GRM7: variants seen among roughly 807,000 people sequenced by gnomAD.
GRM7 encodes glutamate metabotropic receptor 7, also known as metabotropic glutamate receptor 7.
Under a neutral mutation model 84.5 loss-of-function variants are expected in GRM7, and 35 were observed. The observed-to-expected ratio is 0.41, with a 90% CI of 0.32 to 0.55. The LOEUF (loss-of-function observed/expected upper bound fraction) is 0.55, where lower values mean the gene tolerates loss of function less well. Among genes scored for constraint, GRM7 ranks in the 20% least tolerant of loss-of-function variants. The probability of loss-of-function intolerance (pLI) is 0.19; values close to 1 mark genes in which losing one functional copy is unlikely to be tolerated. For synonymous variants in GRM7, 487 were observed against 455.1 expected, an observed-to-expected ratio of 1.07 and a Z score of -0.89; for missense variants, 1,003 against 1,194.6, an observed-to-expected ratio of 0.84 and a Z score of 2.36.
intron 2 of GRM7, among the ~76,000 whole-genome samples, chr3:7,152,867 C>T (rs1694327680): frequency 6.6e-6 from 1 of 152,162 alleles, no homozygotes; most frequent in Admixed American, 6.6e-5. Flanking sequence ...TATTCATGTT[C>T]CTAGCCTGCC....
chr3:7,685,532 G>C (rs1700547355), intron 9 of GRM7, among the ~76,000 whole-genome samples: 1 of 152,106 alleles, frequency 6.6e-6, no homozygotes, highest in South Asian at 2.1e-4. Context: ...CTCTGGGATA[G>C]AGACTGGACA....
chr3:7,522,706 C>T (rs1408012771), intron 7 of GRM7, among the ~76,000 whole-genome samples: 1 of 152,186 alleles, frequency 6.6e-6, no homozygotes, highest in African/African-American at 2.4e-5. Flanking sequence ...GTCAAGATCA[C>T]AGGCTGGTAC....
intron 8 of GRM7, among the ~76,000 whole-genome samples, chr3:7,660,024 C>T (rs569956197): frequency 6.6e-6 from 1 of 152,106 alleles, no homozygotes; most frequent in Non-Finnish European, 1.5e-5. Context: ...TTTACCAAGA[C>T]AGAATAGATG....
At chr3:7,598,559 G>T (rs533343451) in intron 8 of GRM7, among the ~76,000 whole-genome samples, 1 of 152,324 alleles carries the variant, frequency 6.6e-6, no homozygotes, top group East Asian at 1.9e-4. Flanking sequence ...GAAATCTCTT[G>T]CTTGTGAGGG....
chr3:7,089,369 G>GC (rs760612229), intron 1 of GRM7, among the ~76,000 whole-genome samples: 15 of 152,122 alleles, frequency 9.9e-5, no homozygotes, highest in Non-Finnish European at 1.9e-4. Context: ...TGTATATCCA[G>GC]TTTCTTTTAA....
At chr3:7,620,297 G>T (rs1188137793) in intron 8 of GRM7, among the ~76,000 whole-genome samples, 1 of 152,014 alleles carries the variant, frequency 6.6e-6, no homozygotes, top group Non-Finnish European at 1.5e-5. Context: ...TGTTTATCTG[G>T]AATTTAATTT....
At chr3:7,720,420 C>T (rs1701905259) in intron 9 of GRM7, among the ~76,000 whole-genome samples, 1 of 152,110 alleles carries the variant, frequency 6.6e-6, no homozygotes, top group African/African-American at 2.4e-5. Context: ...CAAACAAATC[C>T]TGCATTTATG....
At chr3:7,619,827 CTTCTA>C (rs1697274835) in intron 8 of GRM7, among the ~76,000 whole-genome samples, 1 of 152,140 alleles carries the variant, frequency 6.6e-6, no homozygotes, top group South Asian at 2.1e-4. Flanking sequence ...CCTTTTGTGC[CTTCTA>C]TTCTAAGTTC....
chr3:7,091,038 T>A (rs1412807226), intron 1 of GRM7, among the ~76,000 whole-genome samples: 2 of 152,136 alleles, frequency 1.3e-5, no homozygotes, highest in African/African-American at 4.8e-5. Context: ...CTGTCATGAT[T>A]TATTTGTCCC....
chr3:7,287,356 G>A (rs1330369645), intron 2 of GRM7, among the ~76,000 whole-genome samples: 1 of 152,106 alleles, frequency 6.6e-6, no homozygotes, highest in African/African-American at 2.4e-5. Flanking sequence ...ATTGGAAGCT[G>A]GAGAAATCTG....
Position 7,015,345 on chromosome 3 carries a change from G to T in GRM7, c.520-131107G>T, listed in dbSNP as rs968046567. ...GAAGGAACCAACTGTGGATGCAGTGGGATATCGATAGATACTTGATGGGTA... is the reference window on the plus strand; with the variant it reads ...GAAGGAACCAACTGTGGATGCAGTGTGATATCGATAGATACTTGATGGGTA... On this transcript the variant is annotated intron_variant, in intron 1 of 9. Transcript: ENST00000357716. 2.6e-5 allele frequency among the ~76,000 whole-genome samples: 4 copies of T among 152,264 alleles called. No homozygotes were observed. The East Asian group carries it at 7.7e-4, about 29-fold the overall frequency.
intron 2 of GRM7, among the ~76,000 whole-genome samples, chr3:7,228,500 C>T (rs1259723754): frequency 6.6e-6 from 1 of 152,126 alleles, no homozygotes; most frequent in Admixed American, 6.5e-5. Flanking sequence ...CTTAAGGAAC[C>T]TTTGAGAATC....
intron 4 of GRM7, among the ~76,000 whole-genome samples, chr3:7,352,553 C>G (rs936973016): frequency 6.6e-6 from 1 of 152,104 alleles, no homozygotes; most frequent in Non-Finnish European, 1.5e-5. Context: ...AAGTCCTCAT[C>G]ATGCAATTGG....
At chr3:7,457,828 C>T (rs541848336) in intron 6 of GRM7, among the ~76,000 whole-genome samples, 2 of 152,160 alleles carry the variant, frequency 1.3e-5, no homozygotes, top group African/African-American at 2.4e-5. Context: ...GCTACAACCC[C>T]AGTTGAGTAT....
intron 1 of GRM7, among the ~76,000 whole-genome samples, chr3:6,867,608 C>G (rs538687230): frequency 1.3e-5 from 2 of 152,244 alleles, no homozygotes; most frequent in African/African-American, 4.8e-5. Context: ...AGCAACAAGC[C>G]TAACTCTGCT....
chr3:7,041,668 T>C (rs1160946400), intron 1 of GRM7, among the ~76,000 whole-genome samples: 1 of 152,252 alleles, frequency 6.6e-6, no homozygotes, highest in Non-Finnish European at 1.5e-5. Flanking sequence ...ATTGTGATAC[T>C]GTGAAATATA....
intron 2 of GRM7, among the ~76,000 whole-genome samples, chr3:7,289,499 C>T (rs955517659): frequency 6.6e-6 from 1 of 152,126 alleles, no homozygotes; most frequent in Admixed American, 6.5e-5. Context: ...CCAGCCATCC[C>T]ATTACTGGGT....
chr3:7,600,931 C>G (rs142824168), intron 8 of GRM7, among the ~76,000 whole-genome samples: 90 of 152,224 alleles, frequency 5.9e-4, no homozygotes, highest in African/African-American at 2.0e-3. Flanking sequence ...ATAGCAATGT[C>G]TACCAGTGCA....
chr3:7,381,547 T>C (rs1211762692), intron 4 of GRM7, among the ~76,000 whole-genome samples: 1 of 152,062 alleles, frequency 6.6e-6, no homozygotes, highest in East Asian at 1.9e-4. Context: ...AAGCAAAATA[T>C]GATACATCAG....
Sources: gnomAD v4.1 joint callset for allele counts (sites outside exome capture counted in the v4.1 genomes callset) on GRCh38, gnomAD v4.1.1 for gene constraint, MANE v1.5 for transcripts, NCBI Gene and HGNC (gene_info 2026-07-23, HGNC 2026-07-21) for gene names.